Variants in ERMP1 observed in about 807,000 individuals in gnomAD.
The protein encoded by ERMP1 is endoplasmic reticulum metallopeptidase 1, also known as Felix-ina.
Under a neutral mutation model 92.0 loss-of-function variants are expected in ERMP1, and 86 were observed. The observed-to-expected ratio is 0.93, with a 90% CI of 0.79 to 1.12. The LOEUF is 1.12. Ranked by LOEUF, ERMP1 falls within the 50% of genes most tolerant of loss-of-function variation. The pLI is 0.00. For synonymous variants in ERMP1, 530 were observed against 412.8 expected (o/e 1.28, Z -3.44); for missense variants, 1,342 against 1,116.3 (o/e 1.20, Z -2.88).
chr9:5,835,431 C>T (rs1830082025), upstream of ERMP1, among the ~76,000 whole-genome samples: 1 of 152,162 alleles, frequency 6.6e-6, no homozygotes, highest in African/African-American at 2.4e-5. Flanking sequence ...GAAATTGAGA[C>T]TGACAAAAGC....
intron 4 of ERMP1, among the ~76,000 whole-genome samples, chr9:5,821,540 T>C (rs1166028482): frequency 6.6e-6 from 1 of 152,238 alleles, no homozygotes; most frequent in African/African-American, 2.4e-5. Context: ...AAATAAGTAA[T>C]GTTAGTCAGT....
At chr9:5,794,452 C>T (rs901509305) in intron 13 of ERMP1, among the ~76,000 whole-genome samples, 12 of 151,802 alleles carry the variant, frequency 7.9e-5, no homozygotes, top group Admixed American at 7.2e-4. Context: ...AGAAAACCAA[C>T]TATAATCAAA....
chr9:5,815,013 A>G (rs1829247687), intron 4 of ERMP1, among the ~76,000 whole-genome samples: 1 of 152,188 alleles, frequency 6.6e-6, no homozygotes, highest in African/African-American at 2.4e-5. Flanking sequence ...AGAAAGGATT[A>G]AAATTAAAGC....
intron 5 of ERMP1, among the ~76,000 whole-genome samples, chr9:5,866,178 G>A (rs368781462): frequency 1.3e-5 from 2 of 152,212 alleles, no homozygotes; most frequent in Non-Finnish European, 2.9e-5. Context: ...AATTGCAGAT[G>A]AGCCCCTCTC....
chr9:5,853,490 G>C (rs114890100), intron 6 of ERMP1, among the ~76,000 whole-genome samples: 1 of 152,050 alleles, frequency 6.6e-6, no homozygotes, highest in East Asian at 1.9e-4. Flanking sequence ...AAGAAACTAT[G>C]CTCTGTTGGT....
chr9:5,797,515 G>A, intron 13 of ERMP1, among the ~76,000 whole-genome samples: 1 of 152,004 alleles, frequency 6.6e-6, no homozygotes, highest in East Asian at 1.9e-4. Context: ...AGGCATGGTG[G>A]CACACACCTG....
At position 5,793,558 on chromosome 9, in the gene ERMP1, T is replaced by C. The variant is rs528058662; in HGVS notation, c.2386+4259A>G. 4.6e-5 allele frequency among the ~76,000 whole-genome samples: 7 copies of C among 152,214 alleles called. No individual in the cohort carries two copies. In the East Asian group the frequency reaches 9.6e-4, roughly 21 times the overall value. On this transcript the variant is annotated intron_variant, in intron 13 of 14. Transcript: ENST00000339450. ...CTATGTGTTGTCTACAGAAAACCCA[T>C]TTTAACTATGAAGGCACATAAATTA... is the stretch of plus-strand genomic sequence containing the variant.
intron 6 of ERMP1, chr9:5,856,463 C>G (rs1238191683): frequency 5.9e-6 from 1 of 170,148 alleles, no homozygotes; most frequent in Non-Finnish European, 1.3e-5. Context: ...AAGGCGCAGC[C>G]AAGACGACCA....
rs760830703 is a variant in ERMP1 at position 5,832,974 on chromosome 9, C to T, written c.54G>A (p.Glu18=). 1 of 1,564,560 alleles carries T rather than the reference C, an allele frequency of 6.4e-7. No individual in the cohort carries two copies. Among genetic ancestry groups the T allele is most frequent in the East Asian group, 2.5e-5 (1 of 40,300 alleles). The change falls in exon 1 of 15, where the codon GAG becomes GAA. Residue 18 remains glutamate, a synonymous_variant. Coordinates refer to ENST00000339450, the MANE Select transcript of ERMP1 (RefSeq NM_024896.3). Reference sequence around the variant, plus strand: ...GCGCGGCCGCCGCTCCCTCTCGACGCTCTACTCCGACGCGGTGCCGCCTCA... The same window carrying T: ...GCGCGGCCGCCGCTCCCTCTCGACGTTCTACTCCGACGCGGTGCCGCCTCA... ...AAVRRHRVGV[E]RREGAAAAPP... is the part of the protein sequence containing the mutation.
rs959979748 is a variant in ERMP1, at chr9:5,822,043, C to A, written c.874+1853G>T. ...CTGAAGCAGGAGGACTGCTTGAGCT[C>A]AGGAGTTTGAGACCAGCCTGGGCAA... is the stretch of plus-strand genomic sequence containing the variant. On this transcript the variant is annotated intron_variant, in intron 4 of 14. Transcript: ENST00000339450. Among the ~76,000 whole-genome samples the A allele has an allele frequency of 1.6e-4, 25 of 152,194 alleles. No individual in the cohort carries two copies. The East Asian group carries it at 4.6e-3, about 28-fold the overall frequency.
At chr9:5,847,731 T>C (rs1188139764) in intron 6 of ERMP1, among the ~76,000 whole-genome samples, 4 of 151,652 alleles carry the variant, frequency 2.6e-5, no homozygotes, top group African/African-American at 9.7e-5. Context: ...CTGTGTCTAC[T>C]ACAAATACAA....
At chr9:5,815,436 T>TA (rs1471239830) in intron 4 of ERMP1, among the ~76,000 whole-genome samples, 1 of 82,570 alleles carries the variant, frequency 1.2e-5, no homozygotes, top group East Asian at 3.0e-4. Context: ...TGCAACAAAA[T>TA]AAACAATAGT....
chr9:5,835,674 T>A (rs1008280387), upstream of ERMP1, among the ~76,000 whole-genome samples: 1 of 152,172 alleles, frequency 6.6e-6, no homozygotes, highest in Non-Finnish European at 1.5e-5. Context: ...TAGGAGCCAG[T>A]GCAAGGAAGG....
intron 6 of ERMP1, among the ~76,000 whole-genome samples, chr9:5,850,816 G>T (rs1586839956): frequency 6.6e-6 from 1 of 152,278 alleles, no homozygotes; most frequent in East Asian, 1.9e-4. Context: ...ACCTGAAAGG[G>T]CAGCCACCCT....
intron 5 of ERMP1, among the ~76,000 whole-genome samples, chr9:5,861,848 G>A (rs571303785): frequency 1.3e-5 from 2 of 151,682 alleles, no homozygotes; most frequent in East Asian, 3.9e-4. Context: ...CCACCCTGGG[G>A]AGATGGCTCC....
rs1827946412 is a variant in ERMP1 at position 5,786,606 on chromosome 9, T to C, written c.*538A>G. On this transcript the variant is annotated 3_prime_UTR_variant, in exon 15 of 15. Transcript: ENST00000339450. Reference sequence around the variant, plus strand: ...TTGAGAGGCTGCCTGAAGAAACAGCTTGACACAGGCTACAGCCTCAAGAGT... The same window carrying C: ...TTGAGAGGCTGCCTGAAGAAACAGCCTGACACAGGCTACAGCCTCAAGAGT... The C allele has an allele frequency of 1.9e-5, 3 of 154,956 alleles. No individual in the cohort carries two copies. Among genetic ancestry groups the C allele is most frequent in the African/African-American group, 4.8e-5 (2 of 41,454 alleles). 9.6% of individuals were successfully genotyped at this position (154,956 alleles called of 1,614,324 possible). A position where few individuals can be genotyped will look rare whatever the true frequency, so the allele number is the denominator to read the frequency against.
intron 6 of ERMP1, among the ~76,000 whole-genome samples, chr9:5,841,692 G>A (rs375898426): frequency 6.6e-6 from 1 of 152,192 alleles, no homozygotes; most frequent in Non-Finnish European, 1.5e-5. Flanking sequence ...TCAGGAGGCT[G>A]AGGCACAAGA....
chr9:5,806,830 T>C (rs2131229336), intron 8 of ERMP1, among the ~76,000 whole-genome samples: 1 of 152,258 alleles, frequency 6.6e-6, no homozygotes, highest in Non-Finnish European at 1.5e-5. Flanking sequence ...AATACAAAGA[T>C]GGAAATGGAG....
chr9:5,805,904 G>A (rs886792000), intron 8 of ERMP1, 119 bp from the exon 9 acceptor site: 3 of 747,768 alleles, frequency 4.0e-6, no homozygotes, highest in South Asian at 2.0e-5. Context: ...AACACAGTCT[G>A]CTCTTTAAAC....
Sources: gnomAD v4.1 joint callset for allele counts (sites outside exome capture counted in the v4.1 genomes callset) on GRCh38, gnomAD v4.1.1 for gene constraint, MANE v1.5 for transcripts, NCBI Gene and HGNC (gene_info 2026-07-23, HGNC 2026-07-21) for gene names.